Variants in ELP4 observed in about 807,000 individuals in gnomAD.
ELP4 encodes the protein elongator acetyltransferase complex subunit 4.
In ELP4, 51 loss-of-function variants were observed where a neutral mutation model predicts 48.9. The ratio of observed to expected loss-of-function variants is 1.04; its 90% CI spans 0.83 to 1.32. ELP4 has a LOEUF of 1.32. Ranked by LOEUF, ELP4 falls within the 40% of genes most tolerant of loss-of-function variation. The probability of loss-of-function intolerance (pLI) is 0.00; values close to 1 mark genes in which losing one functional copy is unlikely to be tolerated. For synonymous variants in ELP4, 210 were observed against 189.2 expected, an observed-to-expected ratio of 1.11 and a Z score of -0.90; for missense variants, 519 against 514.6, an observed-to-expected ratio of 1.01 and a Z score of -0.08.
At chr11:31,689,887 G>A (rs1012529211) in intron 9 of ELP4, among the ~76,000 whole-genome samples, 2 of 152,106 alleles carry the variant, frequency 1.3e-5, no homozygotes, top group Non-Finnish European at 2.9e-5. Context: ...CTCAGGCAAA[G>A]AAGCATTGCT....
intron 9 of ELP4, among the ~76,000 whole-genome samples, chr11:31,748,289 A>G (rs902671283): frequency 1.1e-4 from 16 of 150,820 alleles, no homozygotes; most frequent in South Asian, 2.1e-4. Context: ...CTGTTGCCCA[A>G]GCTGGAATGC....
chr11:31,764,958 T>C (rs1948012740), intron 9 of ELP4, among the ~76,000 whole-genome samples: 2 of 152,210 alleles, frequency 1.3e-5, no homozygotes, highest in South Asian at 4.1e-4. Context: ...AGGACCGCTC[T>C]TTAGTAATTG....
intron 4 of ELP4, chr11:31,599,512 CACACACACACAAAAAAAA>C (rs149112034): frequency 0.48 from 37,458 of 78,836 alleles, 4,860 homozygotes; most frequent in South Asian, 0.58. Context: ...CACACACACA[CACACACACACAAAAAAAA>C]AAAACCTGGC....
intron 2 of ELP4, among the ~76,000 whole-genome samples, chr11:31,535,258 G>T (rs1266227109): frequency 2.0e-5 from 3 of 152,100 alleles, no homozygotes. Flanking sequence ...TGATATTTTG[G>T]TCATACTTTA....
intron 9 of ELP4, among the ~76,000 whole-genome samples, chr11:31,700,195 G>A (rs149047374): frequency 0.022 from 3,388 of 151,804 alleles, 47 homozygotes; most frequent in Middle Eastern, 0.058. Context: ...ATGGGTATAC[G>A]TATATGCTTA....
chr11:31,575,133 C>T (rs961025160), intron 3 of ELP4, among the ~76,000 whole-genome samples: 6 of 152,076 alleles, frequency 3.9e-5, no homozygotes, highest in African/African-American at 9.7e-5. Context: ...ACGAGAACTA[C>T]GTGAAGCATG....
intron 3 of ELP4, among the ~76,000 whole-genome samples, chr11:31,545,994 T>A (rs1026354065): frequency 6.6e-6 from 1 of 151,712 alleles, no homozygotes; most frequent in African/African-American, 2.4e-5. Flanking sequence ...GCACTAAACA[T>A]GGAAAGGAAC....
At chr11:31,759,359 A>G (rs1291074963) in intron 9 of ELP4, among the ~76,000 whole-genome samples, 1 of 152,230 alleles carries the variant, frequency 6.6e-6, no homozygotes, top group Non-Finnish European at 1.5e-5. Context: ...CTGCTTAAAA[A>G]TAATTGATTT....
At chr11:31,573,827 GA>G (rs1332938230) in intron 3 of ELP4, among the ~76,000 whole-genome samples, 3 of 151,488 alleles carry the variant, frequency 2.0e-5, no homozygotes, top group Admixed American at 6.6e-5. Flanking sequence ...CTCATTAGGG[GA>G]TAGGACTTCA....
intron 9 of ELP4, among the ~76,000 whole-genome samples, chr11:31,700,457 A>G (rs1946496769): frequency 6.6e-6 from 1 of 152,106 alleles, no homozygotes; most frequent in African/African-American, 2.4e-5. Context: ...AAAACTATAA[A>G]TAGCTTTATG....
chr11:31,681,585 G>C (rs1489336970), intron 9 of ELP4, among the ~76,000 whole-genome samples: 1 of 152,104 alleles, frequency 6.6e-6, no homozygotes, highest in Non-Finnish European at 1.5e-5. Context: ...TGTTACATCT[G>C]TTTGAAGGCA....
At chr11:31,636,545 A>T (rs1455702727) in intron 7 of ELP4, among the ~76,000 whole-genome samples, 1 of 151,962 alleles carries the variant, frequency 6.6e-6, no homozygotes, top group Non-Finnish European at 1.5e-5. Context: ...GTTTAATTTC[A>T]TTGTAGGGGA....
At chr11:31,580,081 G>A (rs941091252) in intron 3 of ELP4, among the ~76,000 whole-genome samples, 19 of 152,172 alleles carry the variant, frequency 1.2e-4, no homozygotes, top group African/African-American at 3.6e-4. Flanking sequence ...GCAGGCTAGA[G>A]AGGTTGCTAT....
intron 3 of ELP4, among the ~76,000 whole-genome samples, chr11:31,564,613 G>A (rs1957075477): frequency 1.3e-5 from 2 of 152,086 alleles, no homozygotes; most frequent in Admixed American, 6.6e-5. Flanking sequence ...CTACCTATGA[G>A]TGAGAAAATG....
At chr11:31,702,016 C>A (rs939632918) in intron 9 of ELP4, among the ~76,000 whole-genome samples, 17 of 152,058 alleles carry the variant, frequency 1.1e-4, no homozygotes, top group Non-Finnish European at 2.5e-4. Context: ...CCTTTTAAAT[C>A]TACTTAGTAA....
At chr11:31,515,033 G>GTATACATATA (rs1956084345) in intron 1 of ELP4, among the ~76,000 whole-genome samples, 1 of 133,968 alleles carries the variant, frequency 7.5e-6, no homozygotes, top group Admixed American at 7.6e-5. Context: ...GTGTGTGTGT[G>GTATACATATA]TATATATATA....
chr11:31,537,949 T>C (rs1956528132), intron 2 of ELP4, among the ~76,000 whole-genome samples: 1 of 152,214 alleles, frequency 6.6e-6, no homozygotes, highest in Admixed American at 6.5e-5. Context: ...CCATTAAATC[T>C]ACAGATCAGT....
chr11:31,591,434 G>A lies in ELP4; in HGVS notation c.382-3336G>A, dbSNP rs995207416. Among the ~76,000 whole-genome samples the A allele has an allele frequency of 1.7e-3, 102 of 60,326 alleles. 1 individual carries two copies. The highest frequency in any genetic ancestry group is 5.6e-3 in the East Asian group (7 of 1,240). 39.6% of individuals were successfully genotyped at this position (60,326 alleles called of 152,430 possible). A position where few individuals can be genotyped will look rare whatever the true frequency, so the allele number is the denominator to read the frequency against. ...AAAAAAAAAAAAAAGGGGGGGGGGG[G>A]GTATAAAACCATGATAGACATATTT... On this transcript the variant is annotated intron_variant, in intron 3 of 9. Transcript: ENST00000640961.
At chr11:31,740,508 T>G (rs1258439841) in intron 9 of ELP4, among the ~76,000 whole-genome samples, 1 of 152,226 alleles carries the variant, frequency 6.6e-6, no homozygotes, top group Admixed American at 6.5e-5. Context: ...CCTGAATCAT[T>G]TAGATGCAAT....
Sources: gnomAD v4.1 joint callset for allele counts (sites outside exome capture counted in the v4.1 genomes callset) on GRCh38, gnomAD v4.1.1 for gene constraint, MANE v1.5 for transcripts, NCBI Gene and HGNC (gene_info 2026-07-23, HGNC 2026-07-21) for gene names.